Variants in RNF126 observed in about 807,000 individuals in gnomAD.
The protein encoded by RNF126 is ring finger protein 126.
A neutral mutation model predicts 41.9 loss-of-function variants in RNF126; 20 were observed. That is an observed-to-expected ratio of 0.48 (90% CI 0.34 to 0.69). The LOEUF is 0.69. Ranked by LOEUF, RNF126 falls within the 30% of genes least tolerant of loss-of-function variation. RNF126 has a pLI of 0.01. For missense variants in RNF126, 433 were observed against 460.6 expected (o/e 0.94, Z 0.55); for synonymous variants, 239 against 202.9 (o/e 1.18, Z -1.51).
At chr19:653,034 G>C (rs549085480) in intron 1 of RNF126, 150 bp from the exon 2 acceptor site, 5 of 688,474 alleles carry the variant, frequency 7.3e-6, no homozygotes, top group Non-Finnish European at 9.9e-6. Flanking sequence ...GTGGGTCCTG[G>C]AGGGCGGCCG....
At chr19:649,570 C>T (rs779646826) in intron 6 of RNF126, 109 bp downstream of exon 6, 2 of 834,290 alleles carry the variant, frequency 2.4e-6, no homozygotes, top group Non-Finnish European at 1.9e-6. Flanking sequence ...GTGCCCGCAT[C>T]CCCTTTGACC....
chr19:656,911 T>TCCGC lies in RNF126; in HGVS notation c.76-4031_76-4028dup, dbSNP rs201919796. 3.0e-3 allele frequency among the ~76,000 whole-genome samples: 459 copies of TCCGC among 152,244 alleles called. 2 individuals carry two copies. Among genetic ancestry groups the TCCGC allele is most frequent in the Admixed American group, 7.6e-3 (116 of 15,290 alleles). ...CCTCTGGGCTCAGGGGTTGCCGCCG[T>TCCGC]CCGCCCGCCAGCTGACCGGGAGCCC... On this transcript the variant is annotated intron_variant, in intron 1 of 8. Coordinates refer to ENST00000292363, the MANE Select transcript of RNF126 (RefSeq NM_194460.3).
In RNF126 at chr19:647,887, G is replaced by A. The variant is rs917191535; in HGVS notation, c.*241C>T. The A allele has an allele frequency of 3.7e-5, 24 of 656,788 alleles. No homozygotes were observed. The African/African-American group carries it at 3.8e-4, about 10-fold the overall frequency. The allele number at this position is 656,788 out of a possible 1,614,324, so 40.7% of individuals were successfully genotyped here. A position where few individuals can be genotyped will look rare whatever the true frequency, so the allele number is the denominator to read the frequency against. On this transcript the variant is annotated 3_prime_UTR_variant, in exon 9 of 9. Coordinates refer to ENST00000292363, the MANE Select transcript of RNF126 (RefSeq NM_194460.3). ...ATCTTTCCACCGCTGAACGTTTAGA[G>A]GGTGAGGTTAGACAGAGGACGGGGA...
intron 1 of RNF126, among the ~76,000 whole-genome samples, chr19:654,830 G>A (rs1218193659): frequency 6.6e-6 from 1 of 151,842 alleles, no homozygotes; most frequent in African/African-American, 2.4e-5. Flanking sequence ...AGCCAGGCGT[G>A]GTGGCACGTA....
intron 2 of RNF126, 36 bp from the exon 3 acceptor site, chr19:652,332 C>A (rs746597740): frequency 6.6e-7 from 1 of 1,523,106 alleles, no homozygotes; most frequent in South Asian, 1.2e-5. Flanking sequence ...TGCCGGCTAC[C>A]CTGTGCCCCC....
At chr19:652,742 G>GGA in intron 2 of RNF126, 84 bp downstream of exon 2, 1 of 1,306,670 alleles carries the variant, frequency 7.7e-7, no homozygotes, top group Non-Finnish European at 1.1e-6. Context: ...CACTCGGCGG[G>GGA]GCGGACGCCA....
chr19:656,355 GAAAC>G (rs1487215851), intron 1 of RNF126, among the ~76,000 whole-genome samples: 1 of 151,828 alleles, frequency 6.6e-6, no homozygotes, highest in Non-Finnish European at 1.5e-5. Flanking sequence ...AAAAAAGAAA[GAAAC>G]AAAGAAAAAA....
In RNF126 at chr19:659,247, C is replaced by G. The variant is rs1187393357; in HGVS notation, c.75+3800G>C. 6.6e-6 allele frequency among the ~76,000 whole-genome samples: 1 copy of G among 152,140 alleles called. No individual in the cohort carries two copies. On this transcript the variant is annotated intron_variant, in intron 1 of 8. Transcript: ENST00000292363. This position sits in a 1 kb window ranked among gnomAD's most constrained non-coding sequence, Gnocchi z 4.9. The stretch of plus-strand genomic sequence containing the variant: ...GACTCGGGCCAGGCCGCCGCAGGGA[C>G]CAGGAGAAGACAGGGTGGGCCGGGG...
intron 7 of RNF126, 34 bp from the exon 8 acceptor site, chr19:648,521 G>A (rs573456223): frequency 8.0e-6 from 12 of 1,503,134 alleles, no homozygotes; most frequent in African/African-American, 1.4e-5. Context: ...CACAGCGGGC[G>A]TGGGGGGCCT....
At chr19:662,948 G>C in intron 1 of RNF126, 99 bp downstream of exon 1, 1 of 463,648 alleles carries the variant, frequency 2.2e-6, no homozygotes, top group South Asian at 6.1e-5. Context: ...TGGTCAGCTC[G>C]CGCAAGAGGC....
chr19:657,795 A>C (rs2030622661), intron 1 of RNF126, among the ~76,000 whole-genome samples: 5 of 152,294 alleles, frequency 3.3e-5, no homozygotes, highest in Admixed American at 3.3e-4. Flanking sequence ...TCTGGTCACG[A>C]AGGCAAGTGA....
intron 1 of RNF126, among the ~76,000 whole-genome samples, chr19:654,171 G>C (rs2030455873): frequency 6.6e-6 from 1 of 152,246 alleles, no homozygotes. Context: ...CTGAAGCACA[G>C]GCTGGGTGGG....
chr19:650,239 G>C lies in RNF126; in HGVS notation c.501C>G (p.Gly167=), dbSNP rs907658014. Residue 167 remains glycine, a synonymous_variant, in exon 5 of 9, where the codon GGC becomes GGG. Transcript: ENST00000292363. ...IITPATIPSL[G]PWGVLHSNPM... ...AGGCACCCCCACCCACTCACCAGGG[G>C]CCCAGGCTGGGGATGGTGGCGGGCG... 1.2e-5 allele frequency: 19 copies of C among 1,577,304 alleles called. No homozygotes were observed. The highest frequency in any genetic ancestry group is 1.7e-4 in the Middle Eastern group (1 of 6,004).
chr19:651,671 C>T lies in RNF126; in HGVS notation c.383G>A (p.Arg128His), dbSNP rs773633393. Residue 128 changes from arginine (R) to histidine (H), a missense_variant, in exon 4 of 9, where the codon CGC becomes CAC. Around this residue, in one of 5 missense-constraint regions of RNF126, gnomAD observed 247 missense variants for 224.7 expected, o/e 1.10. Transcript: ENST00000292363. ...SRHRYGARQP[R>H]ARLTTRRATG... is the part of the protein sequence containing the mutation. The stretch of plus-strand genomic sequence containing the variant: ...GGCCCGCCGCGTGGTGAGGCGGGCG[C>T]GGGGCTGTCGGGCGCCGTACCGGTG... 83 of 1,557,862 alleles carry T rather than the reference C, an allele frequency of 5.3e-5. No homozygotes were observed. Among genetic ancestry groups the T allele is most frequent in the Admixed American group, 1.3e-4 (7 of 53,604 alleles).
intron 4 of RNF126, chr19:650,518 A>T (rs2030226080): frequency 4.8e-6 from 2 of 418,134 alleles, no homozygotes; most frequent in Non-Finnish European, 8.5e-6. Context: ...GCTGGGCTTA[A>T]GCGATCCTCC....
At position 659,356 on chromosome 19, in the gene RNF126, C is replaced by A. The variant is rs1273703934; in HGVS notation, c.75+3691G>T. On this transcript the variant is annotated intron_variant, in intron 1 of 8. Coordinates refer to ENST00000292363, the MANE Select transcript of RNF126 (RefSeq NM_194460.3). The surrounding 1 kb of genome is among the most constrained non-coding windows in gnomAD (Gnocchi z 4.9). ...ACTTCCTGGTGGCTCCCCGCCCACGCCGGCTCTTCCCCGCCACCGTGGGCG... is the reference window on the plus strand; with the variant it reads ...ACTTCCTGGTGGCTCCCCGCCCACGACGGCTCTTCCCCGCCACCGTGGGCG... Among the ~76,000 whole-genome samples, 1 of 152,150 alleles carries A rather than the reference C, an allele frequency of 6.6e-6. No individual in the cohort carries two copies. Among genetic ancestry groups the A allele is most frequent in the East Asian group, 1.9e-4 (1 of 5,184 alleles).
chr19:648,497 T>A lies in RNF126; in HGVS notation c.671-10A>T, dbSNP rs761817820. Reference sequence around the variant, plus strand: ...CACTCGAGCCCGGAGCCTGCGGGAGTGTGCAGCTGCGGTCACAGCGGGCGT... The same window carrying A: ...CACTCGAGCCCGGAGCCTGCGGGAGAGTGCAGCTGCGGTCACAGCGGGCGT... On this transcript the variant is annotated splice_polypyrimidine_tract_variant and intron_variant, in intron 7 of 8. Transcript: ENST00000292363. 7.1e-6 allele frequency: 11 copies of A among 1,557,410 alleles called. No homozygotes were observed. Among genetic ancestry groups the A allele is most frequent in the Non-Finnish European group, 9.5e-6 (11 of 1,154,908 alleles).
In RNF126 at chr19:663,114, T is replaced by C; in HGVS notation, c.8A>G (p.Glu3Gly). 2 of 1,317,162 alleles carry C rather than the reference T, an allele frequency of 1.5e-6. No individual in the cohort carries two copies. The highest frequency in any genetic ancestry group is 3.4e-5 in the East Asian group (1 of 29,324). 81.6% of individuals were successfully genotyped at this position (1,317,162 alleles called of 1,614,324 possible). Residue 3 changes from glutamate (E) to glycine (G), a missense_variant, in exon 1 of 9, where the codon GAG becomes GGG. Glu to Gly is a moderately conservative substitution (Grantham distance 98). Transcript: ENST00000292363. Reference protein sequence around the residue: MAEASPHPGRYFC... With the variant: MAGASPHPGRYFC... ...GTACCGTCCGGGATGCGGCGACGCC[T>C]CGGCCATGGCCGCCGCCACCTACTC...
intron 1 of RNF126, among the ~76,000 whole-genome samples, chr19:654,003 G>A (rs528088221): frequency 7.2e-5 from 11 of 152,282 alleles, no homozygotes; most frequent in South Asian, 2.1e-4. Flanking sequence ...TTCAGTCTTC[G>A]CAGGGGCAGG....
Sources: allele counts gnomAD v4.1 joint callset (sites outside exome capture counted in the v4.1 genomes callset), GRCh38; gene constraint gnomAD v4.1.1; regional missense constraint gnomAD v4.1.1; non-coding constraint Gnocchi (gnomAD v3.1); transcripts MANE v1.5; gene names NCBI Gene and HGNC (gene_info 2026-07-23, HGNC 2026-07-21).